The following GOLGA8A variants were observed in gnomAD, a reference collection of about 807,000 sequenced individuals.
GOLGA8A encodes golgin A8 family member A, also known as golgin subfamily A member 8A.
GOLGA8A carries 3 observed loss-of-function variants against 22.1 expected under a neutral mutation model. The ratio of observed to expected loss-of-function variants is 0.14; its 90% CI spans 0.06 to 0.35. The LOEUF is 0.35. Ranked by LOEUF, GOLGA8A falls within the 10% of genes least tolerant of loss-of-function variation. GOLGA8A has a pLI of 1.00. For synonymous variants in GOLGA8A, 7 were observed against 91.7 expected (o/e 0.08, Z 5.28); for missense variants, 16 against 233.2 (o/e 0.07, Z 6.07).
Position 34,413,207 on chromosome 15 carries a change from C to CA in GOLGA8A, c.-1122-5473dup, listed in dbSNP as rs1299528188. The stretch of plus-strand genomic sequence containing the variant: ...AATTTTACATTATGTATATTTACCA[C>CA]AATAAAAGAAATAAGAAATAAAAGG... On this transcript the variant is annotated intron_variant, in intron 2 of 24. Coordinates refer to ENST00000359187, the MANE Select transcript of GOLGA8A (RefSeq NM_181077.5). Among the ~76,000 whole-genome samples the CA allele has an allele frequency of 9.7e-5, 3 of 30,870 alleles. 1 individual carries two copies. The highest frequency in any genetic ancestry group is 3.0e-4 in the Non-Finnish European group (3 of 9,944). 20.3% of individuals were successfully genotyped at this position (30,870 alleles called of 152,430 possible).
intron 2 of GOLGA8A, chr15:34,418,303 C>T (rs1384298443): frequency 7.2e-6 from 1 of 138,688 alleles, no homozygotes; most frequent in Admixed American, 7.8e-5. Flanking sequence ...TGAGTCTAGG[C>T]CAGTTGTCAG....
chr15:34,431,458 A>G lies in GOLGA8A; in HGVS notation c.-1123+3925T>C, dbSNP rs150573456. Among the ~76,000 whole-genome samples, 1,226 of 147,386 alleles carry G rather than the reference A, an allele frequency of 8.3e-3. 91 individuals carry two copies. Among genetic ancestry groups the G allele is most frequent in the African/African-American group, 0.03 (1,202 of 39,774 alleles). Reference sequence around the variant, plus strand: ...AGGGATGTATTCTGAGAAATTTATCATTAGGCAATTTCATCATTGTGAGAA... The same window carrying G: ...AGGGATGTATTCTGAGAAATTTATCGTTAGGCAATTTCATCATTGTGAGAA... On this transcript the variant is annotated intron_variant, in intron 2 of 24. Transcript: ENST00000359187.
intron 2 of GOLGA8A, among the ~76,000 whole-genome samples, chr15:34,424,387 A>G (rs545176200): frequency 1.7e-3 from 226 of 136,864 alleles, no homozygotes; most frequent in Middle Eastern, 0.011. Flanking sequence ...AAAGGCATAA[A>G]TAACAAAAAA....
rs1229766139 is a variant in GOLGA8A, at chr15:34,379,266, T to A, written c.*2145A>T. 1 of 152,632 alleles carries A rather than the reference T, an allele frequency of 6.6e-6. No individual in the cohort carries two copies. The highest frequency in any genetic ancestry group is 1.5e-5 in the Non-Finnish European group (1 of 68,040). 9.5% of individuals were successfully genotyped at this position (152,632 alleles called of 1,614,324 possible). A position where few individuals can be genotyped will look rare whatever the true frequency, so the allele number is the denominator to read the frequency against. ...TGGCATTTCTTTCTCTACTTTTCCTTCCCACCATTTCTTCCTTTTAAACTA... is the reference window on the plus strand; with the variant it reads ...TGGCATTTCTTTCTCTACTTTTCCTACCCACCATTTCTTCCTTTTAAACTA... On this transcript the variant is annotated 3_prime_UTR_variant, in exon 25 of 25. Transcript: ENST00000359187.
chr15:34,435,843 G>C lies in GOLGA8A; in HGVS notation c.-1211-372C>G, dbSNP rs1196107596. On this transcript the variant is annotated intron_variant, in intron 1 of 24. Coordinates refer to ENST00000359187, the MANE Select transcript of GOLGA8A (RefSeq NM_181077.5). ...CCTGCCAGTACTGCTAGAGCCCACC[G>C]AGGGCTGCCAGCACACAGCTACGAG... Among the ~76,000 whole-genome samples, 2 of 149,190 alleles carry C rather than the reference G, an allele frequency of 1.3e-5. 1 individual carries two copies.
Position 34,433,939 on chromosome 15 carries a change from G to A in GOLGA8A, c.-1123+1444C>T, listed in dbSNP as rs78935863. ...GGGAGCCGGCAATAAGTGAGGGGCC[G>A]GCCAGGTGGGCATCTGGGGGTGGCT... On this transcript the variant is annotated intron_variant, in intron 2 of 24. Coordinates refer to ENST00000359187, the MANE Select transcript of GOLGA8A (RefSeq NM_181077.5). Among the ~76,000 whole-genome samples the A allele has an allele frequency of 2.7e-5, 4 of 149,558 alleles. 1 individual carries two copies. Among genetic ancestry groups the A allele is most frequent in the East Asian group, 3.9e-4 (2 of 5,108 alleles).
rs1002771652 is a variant in GOLGA8A, at chr15:34,437,434, TCCTCGCCGCG to T, written c.-1258_-1249del. 3 of 136,728 alleles carry T rather than the reference TCCTCGCCGCG, an allele frequency of 2.2e-5. No homozygotes were observed. Among genetic ancestry groups the T allele is most frequent in the African/African-American group, 5.3e-5 (2 of 37,466 alleles). 8.5% of individuals were successfully genotyped at this position (136,728 alleles called of 1,614,324 possible). A position where few individuals can be genotyped will look rare whatever the true frequency, so the allele number is the denominator to read the frequency against. On this transcript the variant is annotated 5_prime_UTR_variant, in exon 1 of 25. Coordinates refer to ENST00000359187, the MANE Select transcript of GOLGA8A (RefSeq NM_181077.5). The stretch of plus-strand genomic sequence containing the variant: ...GCGGGGCTGCCCCGGTCCGCCGCCG[TCCTCGCCGCG>T]CCGCCGTCCTCGCCGCGCCGCCGTC...
chr15:34,380,133 T>G lies in GOLGA8A; in HGVS notation c.*1278A>C, dbSNP rs1034792861. The G allele has an allele frequency of 6.6e-6, 1 of 152,332 alleles. No individual in the cohort carries two copies. The highest frequency in any genetic ancestry group is 1.5e-5 in the Non-Finnish European group (1 of 68,042). The allele number at this position is 152,332 out of a possible 1,614,324, so 9.4% of individuals were successfully genotyped here. On this transcript the variant is annotated 3_prime_UTR_variant, in exon 25 of 25. Coordinates refer to ENST00000359187, the MANE Select transcript of GOLGA8A (RefSeq NM_181077.5). ...ACTAAGTACTCTCACATATATTAGT[T>G]TATAATAATGTTTGTTATTACTTTC...
intron 2 of GOLGA8A, among the ~76,000 whole-genome samples, chr15:34,423,675 T>TC (rs1252978650): frequency 6.7e-6 from 1 of 148,218 alleles, no homozygotes; most frequent in Non-Finnish European, 1.5e-5. Context: ...CTCCAGGGCC[T>TC]CCCCTGGGGC....
At chr15:34,429,656 C>T (rs1893139860) in intron 2 of GOLGA8A, among the ~76,000 whole-genome samples, 1 of 148,580 alleles carries the variant, frequency 6.7e-6, no homozygotes, top group East Asian at 2.0e-4. Context: ...CCTGATCCCA[C>T]CCAGCTCTAA....
chr15:34,379,511 G>C lies in GOLGA8A; in HGVS notation c.*1900C>G, dbSNP rs910750823. ...ATTGATAAATTCATACAATTTGGAA[G>C]AGTCAGTTGAAGTTACAAGGACCCA... On this transcript the variant is annotated 3_prime_UTR_variant, in exon 25 of 25. Coordinates refer to ENST00000359187, the MANE Select transcript of GOLGA8A (RefSeq NM_181077.5). The C allele has an allele frequency of 8.5e-5, 13 of 152,746 alleles. No homozygotes were observed. The highest frequency in any genetic ancestry group is 5.8e-4 in the East Asian group (3 of 5,190). 9.5% of individuals were successfully genotyped at this position (152,746 alleles called of 1,614,324 possible).
intron 2 of GOLGA8A, among the ~76,000 whole-genome samples, chr15:34,433,370 CT>C (rs1369154174): frequency 6.7e-6 from 1 of 149,286 alleles, no homozygotes; most frequent in Non-Finnish European, 1.5e-5. Flanking sequence ...GCAGCGCTGA[CT>C]TTGGCAGCAG....
At chr15:34,421,903 T>G (rs1432082259) in intron 2 of GOLGA8A, among the ~76,000 whole-genome samples, 1 of 138,056 alleles carries the variant, frequency 7.2e-6, no homozygotes, top group Non-Finnish European at 1.6e-5. Flanking sequence ...CCCGGCAACA[T>G]GCAGAACCAC....
At chr15:34,409,998 T>TG in intron 2 of GOLGA8A, 4 of 477,902 alleles carry the variant, frequency 8.4e-6, no homozygotes, top group Non-Finnish European at 1.4e-5. Context: ...TGGACTGCAA[T>TG]GGGCAGGTGT....
chr15:34,435,043 G>A (rs1228051258), intron 2 of GOLGA8A, among the ~76,000 whole-genome samples: 1 of 149,592 alleles, frequency 6.7e-6, no homozygotes, highest in African/African-American at 2.5e-5. Flanking sequence ...TCCTCCCCTG[G>A]ACAGTAAAGG....
rs1476772256 is a variant in GOLGA8A at position 34,425,900 on chromosome 15, G to A, written c.-1123+9483C>T. 4.1e-5 allele frequency among the ~76,000 whole-genome samples: 6 copies of A among 144,730 alleles called. 1 individual carries two copies. Among genetic ancestry groups the A allele is most frequent in the Non-Finnish European group, 9.1e-5 (6 of 65,684 alleles). 94.9% of individuals were successfully genotyped at this position (144,730 alleles called of 152,430 possible). On this transcript the variant is annotated intron_variant, in intron 2 of 24. Coordinates refer to ENST00000359187, the MANE Select transcript of GOLGA8A (RefSeq NM_181077.5). ...GCTATCACTTTACACCCACTTGACTGAATGAAACACAAAGACTGATCATGT... is the reference window on the plus strand; with the variant it reads ...GCTATCACTTTACACCCACTTGACTAAATGAAACACAAAGACTGATCATGT...
At chr15:34,412,760 G>C (rs1218930082) in intron 2 of GOLGA8A, among the ~76,000 whole-genome samples, 39 of 143,198 alleles carry the variant, frequency 2.7e-4, no homozygotes, top group African/African-American at 9.7e-4. Flanking sequence ...CACAGACAAA[G>C]CAGTGGCGGG....
intron 8 of GOLGA8A, among the ~76,000 whole-genome samples, chr15:34,397,126 C>T (rs1179263101): frequency 3.5e-5 from 1 of 28,428 alleles, no homozygotes; most frequent in African/African-American, 1.4e-4. Flanking sequence ...CAGCTTTTTT[C>T]TTCTTCTTTT....
At chr15:34,400,995 T>TTAACATTTCTTCTAGATCAC (rs1318947499) in intron 5 of GOLGA8A, among the ~76,000 whole-genome samples, 1 of 86,448 alleles carries the variant, frequency 1.2e-5, no homozygotes, top group Non-Finnish European at 2.8e-5. Flanking sequence ...CTAGATTCCA[T>TTAACATTTCTTCTAGATCAC]TAACATTTCT....
Sources: allele counts gnomAD v4.1 joint callset (sites outside exome capture counted in the v4.1 genomes callset), GRCh38; gene constraint gnomAD v4.1.1; transcripts MANE v1.5; gene names NCBI Gene and HGNC (gene_info 2026-07-23, HGNC 2026-07-21).